Variants in AP4S1 observed in about 807,000 individuals in gnomAD.
AP4S1 encodes the protein AP-4 complex subunit sigma-1.
AP4S1 carries 23 observed loss-of-function variants against 19.8 expected under a neutral mutation model. The observed-to-expected ratio is 1.16, with a 90% CI of 0.84 to 1.65. The LOEUF (loss-of-function observed/expected upper bound fraction) is 1.65, where lower values mean the gene tolerates loss of function less well. Ranked by LOEUF, AP4S1 falls within the 40% of genes most tolerant of loss-of-function variation. The pLI, the probability that AP4S1 is intolerant of heterozygous loss-of-function variation, is 0.00. For missense variants in AP4S1, 166 were observed against 172.8 expected, an observed-to-expected ratio of 0.96 and a Z score of 0.22; for synonymous variants, 46 against 54.1, an observed-to-expected ratio of 0.85 and a Z score of 0.66.
At chr14:31,041,016 CAGTG>C (rs1047351590) in intron 1 of AP4S1, among the ~76,000 whole-genome samples, 1 of 146,640 alleles carries the variant, frequency 6.8e-6, no homozygotes, top group Non-Finnish European at 1.5e-5. Flanking sequence ...GTGGAGCTAA[CAGTG>C]AGCTGAGATC....
At chr14:31,036,192 A>G (rs1313186887) in intron 1 of AP4S1, among the ~76,000 whole-genome samples, 1 of 97,636 alleles carries the variant, frequency 1.0e-5, no homozygotes, top group East Asian at 2.4e-4. Context: ...AGAAAAAAAT[A>G]ATAATTTAAT....
chr14:31,091,800 A>T (rs1174509675), intron 5 of AP4S1, among the ~76,000 whole-genome samples: 1 of 152,202 alleles, frequency 6.6e-6, no homozygotes, highest in Non-Finnish European at 1.5e-5. Flanking sequence ...TAGTGCATTT[A>T]ATTACCTATT....
chr14:31,054,364 G>A (rs1247900101), intron 1 of AP4S1, among the ~76,000 whole-genome samples: 1 of 152,108 alleles, frequency 6.6e-6, no homozygotes, highest in African/African-American at 2.4e-5. Context: ...GCAAGACCCC[G>A]TGTCTACAAA....
intron 1 of AP4S1, among the ~76,000 whole-genome samples, chr14:31,027,696 T>C (rs1884108245): frequency 6.6e-6 from 1 of 152,150 alleles, no homozygotes. Context: ...GAATGTAACA[T>C]ATACATAAGA....
intron 1 of AP4S1, among the ~76,000 whole-genome samples, chr14:31,063,802 C>G (rs531770777): frequency 6.6e-6 from 1 of 152,302 alleles, no homozygotes; most frequent in South Asian, 2.1e-4. Context: ...ATATTGGTTT[C>G]TTAGTTTTGG....
chr14:31,062,543 G>C (rs1302946915), intron 1 of AP4S1, among the ~76,000 whole-genome samples: 1 of 152,188 alleles, frequency 6.6e-6, no homozygotes, highest in African/African-American at 2.4e-5. Flanking sequence ...ACATTTTTCT[G>C]TAAAAGATTC....
In AP4S1 at chr14:31,082,641, A is replaced by G. The variant is rs539260478; in HGVS notation, c.306+2057A>G. Among the ~76,000 whole-genome samples, 8 of 152,332 alleles carry G rather than the reference A, an allele frequency of 5.3e-5. No homozygotes were observed. The South Asian group carries it at 1.4e-3, about 28-fold the overall frequency. ...GCCGGGCGCGGTGGCTCACGCCTGT[A>G]ATCCCAGCACTTTGGGAGGCCGAGG... On this transcript the variant is annotated intron_variant, in intron 5 of 5. Coordinates refer to ENST00000542754, the MANE Select transcript of AP4S1 (RefSeq NM_001128126.3).
chr14:31,084,872 C>G (rs1420718718), intron 5 of AP4S1: 15 of 1,614,236 alleles, frequency 9.3e-6, no homozygotes, highest in Non-Finnish European at 1.1e-5. Flanking sequence ...TCCACCACCC[C>G]CATCTACTGA....
intron 1 of AP4S1, among the ~76,000 whole-genome samples, chr14:31,065,395 C>T (rs970127933): frequency 6.6e-5 from 10 of 152,172 alleles, no homozygotes; most frequent in African/African-American, 1.7e-4. Context: ...CCTATGGAAG[C>T]GGACCTGTCC....
intron 1 of AP4S1, among the ~76,000 whole-genome samples, chr14:31,052,682 T>A (rs1331083274): frequency 6.7e-6 from 1 of 148,686 alleles, no homozygotes; most frequent in African/African-American, 2.5e-5. Flanking sequence ...GAGCCAAAAT[T>A]GTGCCATTGC....
At chr14:31,049,307 G>A (rs1373747201) in intron 1 of AP4S1, among the ~76,000 whole-genome samples, 4 of 149,386 alleles carry the variant, frequency 2.7e-5, no homozygotes, top group Non-Finnish European at 4.5e-5. Context: ...CCAGCTACTC[G>A]GGAGGCTGAG....
rs116445201 is a variant in AP4S1, at chr14:31,065,574, A to G, written c.-71-552A>G. Among the ~76,000 whole-genome samples, 712 of 152,338 alleles carry G rather than the reference A, an allele frequency of 4.7e-3. 6 individuals carry two copies. The highest frequency in any genetic ancestry group is 0.016 in the African/African-American group (681 of 41,576). ...GAATGAGTAAATTGAATGAATAGAA[A>G]CAGAAGTACTGCAGTTGCTCAGAAT... On this transcript the variant is annotated intron_variant, in intron 1 of 5. Coordinates refer to ENST00000542754, the MANE Select transcript of AP4S1 (RefSeq NM_001128126.3).
At chr14:31,049,428 A>AAAAAAATAT (rs1384450221) in intron 1 of AP4S1, among the ~76,000 whole-genome samples, 1 of 57,766 alleles carries the variant, frequency 1.7e-5, no homozygotes. Flanking sequence ...AAAAAAAAAA[A>AAAAAAATAT]ATATATATAT....
chr14:31,025,809 A>G lies in AP4S1; in HGVS notation c.-72+22A>G. On this transcript the variant is annotated intron_variant, in intron 1 of 5. Transcript: ENST00000542754. ...ACAGGTAGGTTCCGCTCGGCCTCCCAAGGCGCCGGCTCCGGCTGAGTGGAG... is the reference window on the plus strand; with the variant it reads ...ACAGGTAGGTTCCGCTCGGCCTCCCGAGGCGCCGGCTCCGGCTGAGTGGAG... 3.3e-6 allele frequency: 5 copies of G among 1,511,856 alleles called. No homozygotes were observed. The South Asian group carries it at 3.7e-5, about 11-fold the overall frequency. 93.7% of individuals were successfully genotyped at this position (1,511,856 alleles called of 1,614,324 possible). A position where few individuals can be genotyped will look rare whatever the true frequency, so the allele number is the denominator to read the frequency against.
chr14:31,073,652 GGAGTGCAGT>G (rs1887187729), intron 4 of AP4S1, among the ~76,000 whole-genome samples: 1 of 150,750 alleles, frequency 6.6e-6, no homozygotes, highest in South Asian at 2.1e-4. Flanking sequence ...TGCCCAGGCT[GGAGTGCAGT>G]GACGCGATCT....
intron 1 of AP4S1, among the ~76,000 whole-genome samples, chr14:31,044,499 G>A (rs1594642834): frequency 6.6e-6 from 1 of 151,678 alleles, no homozygotes; most frequent in Non-Finnish European, 1.5e-5. Flanking sequence ...ATGCCACCAT[G>A]CCAGGCTAAT....
intron 1 of AP4S1, among the ~76,000 whole-genome samples, chr14:31,030,972 T>A (rs1439407418): frequency 6.6e-6 from 1 of 152,130 alleles, no homozygotes; most frequent in Non-Finnish European, 1.5e-5. Context: ...CCGACCCAAA[T>A]CTCATCTCCA....
chr14:31,042,829 G>T (rs1453809963), intron 1 of AP4S1, among the ~76,000 whole-genome samples: 3 of 152,118 alleles, frequency 2.0e-5, no homozygotes, highest in African/African-American at 7.2e-5. Flanking sequence ...GACTTAAATT[G>T]TATCTTGGAC....
chr14:31,051,271 A>G (rs1885776276), intron 1 of AP4S1, among the ~76,000 whole-genome samples: 1 of 151,838 alleles, frequency 6.6e-6, no homozygotes, highest in African/African-American at 2.4e-5. Context: ...AAAAAAAAAA[A>G]TACGGTGTAG....
Sources: allele counts gnomAD v4.1 joint callset (sites outside exome capture counted in the v4.1 genomes callset), GRCh38; gene constraint gnomAD v4.1.1; transcripts MANE v1.5; gene names NCBI Gene and HGNC (gene_info 2026-07-23, HGNC 2026-07-21).